NRXN3: variants seen among roughly 807,000 people sequenced by gnomAD.
The protein encoded by NRXN3 is neurexin III.
A neutral mutation model predicts 137.6 loss-of-function variants in NRXN3; 32 were observed. The observed-to-expected ratio is 0.23, with a 90% CI of 0.18 to 0.31. NRXN3 has a LOEUF of 0.31. Ranked by LOEUF, NRXN3 falls within the 10% of genes least tolerant of loss-of-function variation. NRXN3 has a pLI of 1.00. For synonymous variants in NRXN3, 798 were observed against 784.5 expected (o/e 1.02, Z -0.29); for missense variants, 1,574 against 2,062.5 (o/e 0.76, Z 4.59).
intron 15 of NRXN3, among the ~76,000 whole-genome samples, chr14:79,434,240 A>G (rs558937678): frequency 6.6e-6 from 1 of 152,278 alleles, no homozygotes; most frequent in African/African-American, 2.4e-5. Context: ...ATATCCACAC[A>G]TACCCCACTT....
intron 10 of NRXN3, among the ~76,000 whole-genome samples, chr14:78,928,471 C>T (rs1383390622): frequency 6.6e-6 from 1 of 152,036 alleles, no homozygotes; most frequent in Non-Finnish European, 1.5e-5. Context: ...CCACAACAGG[C>T]CCTGGTGTGT....
intron 1 of NRXN3, among the ~76,000 whole-genome samples, chr14:78,190,082 C>T (rs150379499): frequency 3.0e-4 from 45 of 152,320 alleles, no homozygotes; most frequent in Middle Eastern, 6.8e-3. Context: ...ACAAACAGCA[C>T]CTTGTACATG....
intron 4 of NRXN3, among the ~76,000 whole-genome samples, chr14:78,371,444 C>T (rs1156882221): frequency 6.6e-6 from 1 of 152,172 alleles, no homozygotes; most frequent in Admixed American, 6.5e-5. Context: ...TTTTCATCAC[C>T]TTTGAGACCG....
intron 3 of NRXN3, among the ~76,000 whole-genome samples, chr14:78,285,196 A>G (rs577509097): frequency 4.6e-5 from 7 of 152,192 alleles, no homozygotes; most frequent in Admixed American, 4.6e-4. Flanking sequence ...AACCAGGAGA[A>G]TGCCTTCTCC....
chr14:78,580,859 A>G (rs2096987172), intron 4 of NRXN3, among the ~76,000 whole-genome samples: 1 of 152,192 alleles, frequency 6.6e-6, no homozygotes, highest in Admixed American at 6.5e-5. Flanking sequence ...CCTGGAATGG[A>G]GTTACCTGAT....
At position 78,988,159 on chromosome 14, in the gene NRXN3, T is replaced by C. The variant is rs2099510859; in HGVS notation, c.3262+18T>C. ...CAATGATCGTAAGTACAACAACCTT[T>C]CATACTGGAACTTTGTGAAGATGTT... On this transcript the variant is annotated intron_variant, in intron 15 of 20. Transcript: ENST00000335750. 4 of 1,613,550 alleles carry C rather than the reference T, an allele frequency of 2.5e-6. No individual in the cohort carries two copies. In the African/African-American group the frequency reaches 4.0e-5, roughly 16 times the overall value.
chr14:78,468,273 T>TAAA (rs1480123428), intron 4 of NRXN3, among the ~76,000 whole-genome samples: 2 of 152,050 alleles, frequency 1.3e-5, no homozygotes, highest in Non-Finnish European at 2.9e-5. Context: ...TTCTCATGAG[T>TAAA]ATTAGGTTGG....
At chr14:78,641,382 A>G (rs1210361288) in intron 4 of NRXN3, among the ~76,000 whole-genome samples, 3 of 152,044 alleles carry the variant, frequency 2.0e-5, no homozygotes, top group African/African-American at 7.2e-5. Flanking sequence ...TTGCTCTTTT[A>G]AAGACTGGGT....
intron 10 of NRXN3, among the ~76,000 whole-genome samples, chr14:78,855,329 A>G (rs1350321520): frequency 1.3e-5 from 2 of 152,192 alleles, no homozygotes; most frequent in African/African-American, 2.4e-5. Flanking sequence ...AGTTCAGTAA[A>G]GCAAACAAAC....
At chr14:79,525,978 C>A (rs978593801) in intron 16 of NRXN3, among the ~76,000 whole-genome samples, 1 of 152,130 alleles carries the variant, frequency 6.6e-6, no homozygotes, top group Non-Finnish European at 1.5e-5. Flanking sequence ...GACCCCTGGG[C>A]TCAAGGGATC....
At chr14:78,370,873 A>G (rs1317281586) in intron 4 of NRXN3, among the ~76,000 whole-genome samples, 1 of 152,196 alleles carries the variant, frequency 6.6e-6, no homozygotes, top group Admixed American at 6.5e-5. Flanking sequence ...CTGTTTCTAC[A>G]TTGTGTGGTA....
intron 16 of NRXN3, among the ~76,000 whole-genome samples, chr14:79,570,167 C>T (rs1262696556): frequency 1.3e-5 from 2 of 152,144 alleles, no homozygotes; most frequent in African/African-American, 4.8e-5. Flanking sequence ...AGAACACAGT[C>T]GGTACTCTCA....
At chr14:79,743,055 A>G (rs1328865958) in intron 19 of NRXN3, among the ~76,000 whole-genome samples, 1 of 152,192 alleles carries the variant, frequency 6.6e-6, no homozygotes, top group African/African-American at 2.4e-5. Context: ...TGGAGATATG[A>G]GATAATGTTA....
At chr14:79,126,984 T>C (rs1288135946) in intron 15 of NRXN3, among the ~76,000 whole-genome samples, 1 of 152,210 alleles carries the variant, frequency 6.6e-6, no homozygotes, top group African/African-American at 2.4e-5. Flanking sequence ...TTTTGAGAAG[T>C]GTCTGTTCAT....
At chr14:78,874,121 A>G (rs1323217316) in intron 10 of NRXN3, among the ~76,000 whole-genome samples, 3 of 151,716 alleles carry the variant, frequency 2.0e-5, no homozygotes, top group Non-Finnish European at 2.9e-5. Context: ...ACAGGAATGC[A>G]CCACCATGTC....
intron 15 of NRXN3, among the ~76,000 whole-genome samples, chr14:79,111,475 A>C (rs1484768657): frequency 1.3e-5 from 2 of 152,152 alleles, no homozygotes. Flanking sequence ...ACAGTGGCTC[A>C]TGCCTGTAAT....
chr14:78,433,972 A>G (rs1057415277), intron 4 of NRXN3, among the ~76,000 whole-genome samples: 1 of 152,090 alleles, frequency 6.6e-6, no homozygotes, highest in Non-Finnish European at 1.5e-5. Context: ...GTAAGTTGAA[A>G]ATACATTTAA....
At chr14:78,471,711 C>T (rs192537662) in intron 4 of NRXN3, among the ~76,000 whole-genome samples, 91 of 152,260 alleles carry the variant, frequency 6.0e-4, no homozygotes, top group African/African-American at 1.9e-3. Flanking sequence ...GGCATAATTA[C>T]GATACCATTG....
intron 4 of NRXN3, among the ~76,000 whole-genome samples, chr14:78,573,764 T>C (rs965963899): frequency 2.6e-4 from 39 of 152,144 alleles, no homozygotes; most frequent in African/African-American, 9.2e-4. Flanking sequence ...AGCCTGACGA[T>C]GCGATAGAAA....
Sources: allele counts gnomAD v4.1 joint callset (sites outside exome capture counted in the v4.1 genomes callset), GRCh38; gene constraint gnomAD v4.1.1; transcripts MANE v1.5; gene names NCBI Gene and HGNC (gene_info 2026-07-23, HGNC 2026-07-21).